Variants in USP4 observed in about 807,000 individuals in gnomAD.
USP4 encodes ubiquitin specific peptidase 4.
A neutral mutation model predicts 118.2 loss-of-function variants in USP4; 72 were observed. The observed-to-expected ratio is 0.61, with a 90% CI of 0.50 to 0.74. The LOEUF (loss-of-function observed/expected upper bound fraction) is 0.74, where lower values mean the gene tolerates loss of function less well. Among genes scored for constraint, USP4 ranks in the 30% least tolerant of loss-of-function variants. USP4 has a pLI of 0.00. For missense variants in USP4, 1,037 were observed against 1,185.7 expected (o/e 0.87, Z 1.84); for synonymous variants, 415 against 440.4 (o/e 0.94, Z 0.72).
intron 20 of USP4, among the ~76,000 whole-genome samples, chr3:49,280,443 C>G (rs1312136850): frequency 2.0e-5 from 3 of 151,764 alleles, no homozygotes; most frequent in Non-Finnish European, 4.4e-5. Context: ...CGCCTGTAGT[C>G]CCAGCTACTC....
intron 6 of USP4, chr3:49,317,537 T>G: frequency 1.7e-6 from 1 of 584,360 alleles, no homozygotes; most frequent in Non-Finnish European, 2.9e-6. Context: ...GTTTTTTGTT[T>G]GTTTGTTTTT....
chr3:49,330,208 T>G (rs1259876821), intron 2 of USP4, among the ~76,000 whole-genome samples: 1 of 145,274 alleles, frequency 6.9e-6, no homozygotes, highest in East Asian at 2.1e-4. Flanking sequence ...ACAAAAAAAG[T>G]TGAAATTACT....
At chr3:49,339,527 C>A (rs2047712761) in intron 1 of USP4, among the ~76,000 whole-genome samples, 1 of 152,268 alleles carries the variant, frequency 6.6e-6, no homozygotes, top group Admixed American at 6.5e-5. Flanking sequence ...CCTCAACCCA[C>A]TGAGGTCGGT....
intron 12 of USP4, 152 bp from the exon 13 acceptor site, chr3:49,298,116 G>T: frequency 1.6e-6 from 1 of 621,696 alleles, no homozygotes; most frequent in Non-Finnish European, 2.8e-6. Context: ...AGAGCTGAGG[G>T]CCAAGGCCCA....
intron 11 of USP4, among the ~76,000 whole-genome samples, chr3:49,299,940 A>C (rs1330878266): frequency 3.3e-5 from 5 of 151,788 alleles, no homozygotes; most frequent in Admixed American, 6.6e-5. Context: ...CGCGTGAATG[A>C]AGTGTGGCCA....
rs71077783 is a variant in USP4, at chr3:49,283,008, C to CTT, written c.2540+977_2540+978dup. On this transcript the variant is annotated intron_variant, in intron 19 of 21. Transcript: ENST00000265560. ...CAGGTGTGAGCCACTGTGCCGGCCTCTTTTTTTTTTTTTTTTTTTTTTTTT... is the reference window on the plus strand; with the variant it reads ...CAGGTGTGAGCCACTGTGCCGGCCTCTTTTTTTTTTTTTTTTTTTTTTTTTTT... Among the ~76,000 whole-genome samples the CTT allele has an allele frequency of 1.2e-3, 96 of 78,282 alleles. 5 individuals are homozygous for CTT. The highest frequency in any genetic ancestry group is 1.6e-3 in the African/African-American group (31 of 18,820). 51.4% of individuals were successfully genotyped at this position (78,282 alleles called of 152,430 possible).
At chr3:49,338,001 G>C (rs973978728) in intron 1 of USP4, among the ~76,000 whole-genome samples, 1 of 130,100 alleles carries the variant, frequency 7.7e-6, no homozygotes, top group African/African-American at 2.9e-5. Flanking sequence ...AGCCGAGATC[G>C]CGCCACTGCA....
At position 49,334,574 on chromosome 3, in the gene USP4, C is replaced by T. The variant is rs565345853; in HGVS notation, c.229+895G>A. Among the ~76,000 whole-genome samples the T allele has an allele frequency of 1.1e-4, 17 of 152,216 alleles. 1 individual carries two copies. The South Asian group carries it at 2.9e-3, about 26-fold the overall frequency. ...CAGCCTGGGCAACATAGCAAGACCCCGTCTCTACCAAAAAACTTAAAAAAC... is the reference window on the plus strand; with the variant it reads ...CAGCCTGGGCAACATAGCAAGACCCTGTCTCTACCAAAAAACTTAAAAAAC... On this transcript the variant is annotated intron_variant, in intron 2 of 21. Coordinates refer to ENST00000265560, the MANE Select transcript of USP4 (RefSeq NM_003363.4).
chr3:49,332,540 T>A (rs1294692678), intron 2 of USP4, among the ~76,000 whole-genome samples: 1 of 151,768 alleles, frequency 6.6e-6, no homozygotes, highest in Non-Finnish European at 1.5e-5. Flanking sequence ...GAAGGGTGTT[T>A]TGTCTACATT....
chr3:49,280,639 G>T, intron 20 of USP4, 105 bp downstream of exon 20: 1 of 805,676 alleles, frequency 1.2e-6, no homozygotes, highest in Non-Finnish European at 2.0e-6. Flanking sequence ...TGAAGCCTGT[G>T]AAACTGCATA....
intron 15 of USP4, among the ~76,000 whole-genome samples, chr3:49,287,415 A>T (rs1199978135): frequency 6.6e-6 from 1 of 152,056 alleles, no homozygotes; most frequent in Admixed American, 6.6e-5. Context: ...CGGCTTCCCA[A>T]AGTACTGGGA....
At chr3:49,282,317 C>T (rs556191069) in intron 19 of USP4, among the ~76,000 whole-genome samples, 12 of 152,038 alleles carry the variant, frequency 7.9e-5, no homozygotes, top group South Asian at 4.1e-4. Context: ...CTGTGTCGTC[C>T]GGGCTGGAGT....
At chr3:49,327,554 C>T in intron 3 of USP4, 132 bp downstream of exon 3, 1 of 951,158 alleles carries the variant, frequency 1.1e-6, no homozygotes, top group Non-Finnish European at 1.5e-6. Flanking sequence ...AAAAAGAGAT[C>T]CAGAAACAAG....
At chr3:49,308,582 G>A (rs1264636219) in intron 8 of USP4, among the ~76,000 whole-genome samples, 1 of 151,912 alleles carries the variant, frequency 6.6e-6, no homozygotes, top group Non-Finnish European at 1.5e-5. Flanking sequence ...GCCTCCCAAA[G>A]TGCTGGGATT....
intron 6 of USP4, among the ~76,000 whole-genome samples, chr3:49,315,039 AG>A (rs1227775393): frequency 6.6e-6 from 1 of 152,160 alleles, no homozygotes; most frequent in Non-Finnish European, 1.5e-5. Context: ...TCAATCAAAA[AG>A]AAACCAAATT....
intron 11 of USP4, among the ~76,000 whole-genome samples, chr3:49,299,479 G>A (rs1009343585): frequency 4.7e-5 from 7 of 149,490 alleles, no homozygotes; most frequent in South Asian, 4.3e-4. Context: ...TGCAAGCTCC[G>A]CCTCCCGGGT....
rs1313846926 is a variant in USP4, at chr3:49,340,002, C to T, written c.23G>A (p.Arg8His). 3 of 1,609,844 alleles carry T rather than the reference C, an allele frequency of 1.9e-6. No homozygotes were observed. The highest frequency in any genetic ancestry group is 1.3e-5 in the African/African-American group (1 of 74,932). The change falls in exon 1 of 22, where the codon CGT becomes CAT. Residue 8 changes from arginine (R) to histidine (H), a missense_variant. Transcript: ENST00000265560. MAEGGGC[R>H]ERPDAETQKS... is the part of the protein sequence containing the mutation. The stretch of plus-strand genomic sequence containing the variant: ...CTGAGTCTCCGCATCCGGTCGCTCA[C>T]GGCAGCCTCCACCTTCCGCCATCTC...
chr3:49,339,018 G>A (rs540923624), intron 1 of USP4, among the ~76,000 whole-genome samples: 1 of 151,062 alleles, frequency 6.6e-6, no homozygotes, highest in East Asian at 2.0e-4. Flanking sequence ...GTGGTGGCGT[G>A]AGCCTGTAAT....
In USP4 at chr3:49,305,900, C is replaced by CA; in HGVS notation, c.955-13dup. 6.2e-7 allele frequency: 1 copy of CA among 1,610,516 alleles called. No homozygotes were observed. The highest frequency in any genetic ancestry group is 8.5e-7 in the Non-Finnish European group (1 of 1,178,302). On this transcript the variant is annotated splice_polypyrimidine_tract_variant and intron_variant, in intron 8 of 21. Transcript: ENST00000265560. The stretch of plus-strand genomic sequence containing the variant: ...GTGTTGCTCAAACACTGAAACAGAA[C>CA]ATGATGAGGGCTTTACACACCTTCT...
Sources: gnomAD v4.1 joint callset for allele counts (sites outside exome capture counted in the v4.1 genomes callset) on GRCh38, gnomAD v4.1.1 for gene constraint, MANE v1.5 for transcripts, NCBI Gene and HGNC (gene_info 2026-07-23, HGNC 2026-07-21) for gene names.